The following GUCY2F variants were observed in gnomAD, a reference collection of about 807,000 sequenced individuals.
GUCY2F encodes the protein guanylate cyclase 2F, retinal.
Under a neutral mutation model 73.1 loss-of-function variants are expected in GUCY2F, and 61 were observed. That is an observed-to-expected ratio of 0.83 (90% confidence interval 0.68 to 1.03). GUCY2F has a LOEUF of 1.03. Ranked by LOEUF, GUCY2F falls within the 50% of genes least tolerant of loss-of-function variation. The pLI, the probability that GUCY2F is intolerant of heterozygous loss-of-function variation, is 0.00. For missense variants in GUCY2F, 912 were observed against 854.3 expected, an observed-to-expected ratio of 1.07 and a Z score of -0.84; for synonymous variants, 331 against 307.8, an observed-to-expected ratio of 1.08 and a Z score of -0.79.
chrX:109,464,963 C>G (rs186963943), intron 3 of GUCY2F, among the ~76,000 whole-genome samples, 179 bp downstream of exon 3: 1 of 112,424 alleles, frequency 8.9e-6, no homozygotes, highest in Non-Finnish European at 1.9e-5. Flanking sequence ...AACAAAATCT[C>G]AAATAATATG....
chrX:109,422,980 T>C (rs1931402185), intron 8 of GUCY2F, among the ~76,000 whole-genome samples: 1 of 112,513 alleles, frequency 8.9e-6, no homozygotes, highest in African/African-American at 3.2e-5. Context: ...TCACAGTCTT[T>C]CTGTTGTCTG....
chrX:109,463,684 G>A (rs754413046), intron 3 of GUCY2F, among the ~76,000 whole-genome samples: 32 of 111,153 alleles, frequency 2.9e-4, no homozygotes, highest in Admixed American at 2.9e-3. Context: ...TGATCCACCC[G>A]CCTCAGCCTC....
chrX:109,417,628 T>C (rs111704166), intron 8 of GUCY2F, among the ~76,000 whole-genome samples: 4,159 of 110,834 alleles, frequency 0.038, 201 homozygotes, highest in African/African-American at 0.13. Flanking sequence ...AAATAGATGA[T>C]GAGAAATCTA....
At chrX:109,386,737 G>A (rs778636056) in intron 15 of GUCY2F, among the ~76,000 whole-genome samples, 11 of 111,848 alleles carry the variant, frequency 9.8e-5, no homozygotes, top group African/African-American at 2.3e-4. Flanking sequence ...TAAGAGAGAC[G>A]TAAAAGAATC....
chrX:109,459,584 A>AGTTAAAG (rs1932324736), intron 3 of GUCY2F, among the ~76,000 whole-genome samples: 1 of 111,693 alleles, frequency 9.0e-6, no homozygotes, highest in Non-Finnish European at 1.9e-5. Flanking sequence ...ACAGTGATGA[A>AGTTAAAG]GTTAAAGTTT....
At chrX:109,425,041 A>G (rs1931452856) in intron 8 of GUCY2F, among the ~76,000 whole-genome samples, 1 of 111,782 alleles carries the variant, frequency 8.9e-6, no homozygotes, top group African/African-American at 3.3e-5. Flanking sequence ...TGCTGGGATT[A>G]CAGGCATGAG....
chrX:109,438,092 A>G (rs1181720048), intron 7 of GUCY2F, among the ~76,000 whole-genome samples: 2 of 112,578 alleles, frequency 1.8e-5, no homozygotes, highest in African/African-American at 3.2e-5. Flanking sequence ...TTGTGCTGCT[A>G]TAACAGAATT....
intron 6 of GUCY2F, among the ~76,000 whole-genome samples, chrX:109,443,260 C>A (rs1029822041): frequency 9.0e-6 from 1 of 111,212 alleles, no homozygotes; most frequent in South Asian, 3.8e-4. Flanking sequence ...CCATCCTTTT[C>A]CACCTCGGCC....
At position 109,387,485 on chromosome X, in the gene GUCY2F, A is replaced by T. The variant is rs145141644; in HGVS notation, c.2956+1004T>A. The stretch of plus-strand genomic sequence containing the variant: ...ATTTTGATATAGAAGGCTGAAGCTT[A>T]AGGGAGAAGACTGCACTAAAGCTGT... On this transcript the variant is annotated intron_variant, in intron 15 of 19. Coordinates refer to ENST00000218006, the MANE Select transcript of GUCY2F (RefSeq NM_001522.3). 8.0e-3 allele frequency among the ~76,000 whole-genome samples: 898 copies of T among 112,419 alleles called. 9 individuals carry two copies. The highest frequency in any genetic ancestry group is 0.027 in the African/African-American group (846 of 30,971).
chrX:109,443,758 T>C (rs761809822), intron 6 of GUCY2F, among the ~76,000 whole-genome samples: 9 of 112,272 alleles, frequency 8.0e-5, no homozygotes, highest in Non-Finnish European at 1.5e-4. Flanking sequence ...AGGCAATTGA[T>C]ATGAACTGTC....
intron 6 of GUCY2F, among the ~76,000 whole-genome samples, chrX:109,445,741 C>G (rs113048924): frequency 0.049 from 5,449 of 111,385 alleles, 305 homozygotes; most frequent in African/African-American, 0.16. Context: ...TCTCACCACT[C>G]CTATTCAACA....
At position 109,388,608 on chromosome X, in the gene GUCY2F, C is replaced by T. The variant is rs774094236; in HGVS notation, c.2837G>A (p.Gly946Asp). The T allele has an allele frequency of 2.5e-6, 3 of 1,200,661 alleles. No homozygotes were observed. The highest frequency in any genetic ancestry group is 3.4e-6 in the Non-Finnish European group (3 of 885,793). ...MVASGLPKRN[G>D]SRHAAEIANM... The stretch of plus-strand genomic sequence containing the variant: ...TGCAATCTCAGCTGCATGCCTACTG[C>T]CATTCCTCTTTGGGAGGCCTGAAGC... Residue 946 changes from glycine to aspartate, a missense_variant, in exon 15 of 20, where the codon GGC becomes GAC. Coordinates refer to ENST00000218006, the MANE Select transcript of GUCY2F (RefSeq NM_001522.3).
In GUCY2F at chrX:109,455,933, T is replaced by C. The variant is rs191058970; in HGVS notation, c.1033-2074A>G. Among the ~76,000 whole-genome samples, 15 of 112,434 alleles carry C rather than the reference T, an allele frequency of 1.3e-4. No homozygotes were observed. In the East Asian group the frequency reaches 3.9e-3, roughly 29 times the overall value. On this transcript the variant is annotated intron_variant, in intron 3 of 19. Coordinates refer to ENST00000218006, the MANE Select transcript of GUCY2F (RefSeq NM_001522.3). Reference sequence around the variant, plus strand: ...CCTCCTGATCCATCTACAACGAGTCTTGTCAGTCTACGTTAATAGCTACTC... The same window carrying C: ...CCTCCTGATCCATCTACAACGAGTCCTGTCAGTCTACGTTAATAGCTACTC...
intron 8 of GUCY2F, among the ~76,000 whole-genome samples, chrX:109,423,884 G>GA (rs1164605656): frequency 9.1e-6 from 1 of 110,045 alleles, no homozygotes; most frequent in African/African-American, 3.3e-5. Context: ...TAGAAGGAAG[G>GA]AAAAATAAGA....
Position 109,413,164 on chromosome X carries a change from CA to C in GUCY2F, c.1792-3997del, listed in dbSNP as rs550432348. The stretch of plus-strand genomic sequence containing the variant: ...GGCATCCATCCTCAGCTGTAACCAA[CA>C]GAGAAGATCCCATATAAAGAGCAGG... On this transcript the variant is annotated intron_variant, in intron 8 of 19. Coordinates refer to ENST00000218006, the MANE Select transcript of GUCY2F (RefSeq NM_001522.3). Among the ~76,000 whole-genome samples the C allele has an allele frequency of 1.7e-3, 191 of 112,358 alleles. 2 individuals carry two copies. The Middle Eastern group carries it at 0.019, about 11-fold the overall frequency.
intron 11 of GUCY2F, among the ~76,000 whole-genome samples, chrX:109,397,887 A>T (rs1930748012): frequency 9.6e-6 from 1 of 104,469 alleles, no homozygotes; most frequent in Non-Finnish European, 2.0e-5. Context: ...TGCCCTTCTT[A>T]GTGTATCATG....
chrX:109,419,435 A>G (rs988014733), intron 8 of GUCY2F, among the ~76,000 whole-genome samples: 3 of 111,207 alleles, frequency 2.7e-5, no homozygotes, highest in Admixed American at 1.9e-4. Flanking sequence ...TTAACAGAAT[A>G]AAAGAGCAAA....
intron 7 of GUCY2F, among the ~76,000 whole-genome samples, chrX:109,440,057 T>C (rs1453271802): frequency 7.1e-5 from 8 of 112,368 alleles, no homozygotes; most frequent in Non-Finnish European, 1.5e-4. Flanking sequence ...CCCACTGCTC[T>C]GGTACCAATT....
chrX:109,455,125 A>C (rs1932232049), intron 3 of GUCY2F, among the ~76,000 whole-genome samples: 1 of 111,568 alleles, frequency 9.0e-6, no homozygotes, highest in African/African-American at 3.3e-5. Context: ...TAGCAATGCC[A>C]AACCGAACCC....
Sources: allele counts gnomAD v4.1 joint callset (sites outside exome capture counted in the v4.1 genomes callset), GRCh38; gene constraint gnomAD v4.1.1; transcripts MANE v1.5; gene names NCBI Gene and HGNC (gene_info 2026-07-23, HGNC 2026-07-21).